Variants in RHOU observed in about 807,000 individuals in gnomAD.
The protein encoded by RHOU is ras homolog family member U.
A neutral mutation model predicts 12.6 loss-of-function variants in RHOU; 8 were observed. That is an observed-to-expected ratio of 0.64 (90% confidence interval 0.37 to 1.15). The LOEUF is 1.15. RHOU is among the 50% of genes most tolerant of loss of function. The probability of loss-of-function intolerance (pLI) is 0.01; values close to 1 mark genes in which losing one functional copy is unlikely to be tolerated. For synonymous variants in RHOU, 161 were observed against 147.4 expected (o/e 1.09, Z -0.67); for missense variants, 258 against 347.0 (o/e 0.74, Z 2.04).
At chr1:228,722,881 A>G in the RHOU span, among the ~76,000 whole-genome samples, 2,918 of 152,276 alleles carry the variant, frequency 0.019, 102 homozygotes, top group African/African-American at 0.067. Context: ...TCGGCCTCCC[A>G]AAGTGCTGGG....
At chr1:228,689,823 G>C in the RHOU span, among the ~76,000 whole-genome samples, 1 of 151,892 alleles carries the variant, frequency 6.6e-6, no homozygotes, top group African/African-American at 2.4e-5. Context: ...CTAGTTCGTG[G>C]AAAAATTGTC....
the RHOU span, among the ~76,000 whole-genome samples, chr1:228,686,456 A>G: frequency 6.6e-6 from 1 of 152,212 alleles, no homozygotes; most frequent in Non-Finnish European, 1.5e-5. Flanking sequence ...ATAAAATACA[A>G]TAATTACATA....
At chr1:228,703,935 G>A in the RHOU span, among the ~76,000 whole-genome samples, 1 of 152,116 alleles carries the variant, frequency 6.6e-6, no homozygotes, top group African/African-American at 2.4e-5. Context: ...AAGATAAAAA[G>A]TGACATACCT....
the RHOU span, among the ~76,000 whole-genome samples, chr1:228,712,831 AT>A: frequency 0.19 from 13,824 of 71,422 alleles, 755 homozygotes; most frequent in African/African-American, 0.33. Flanking sequence ...AAATAAATAA[AT>A]AAAATAAAAT....
the RHOU span, among the ~76,000 whole-genome samples, chr1:228,728,939 A>G: frequency 6.8e-6 from 1 of 147,172 alleles, no homozygotes; most frequent in Non-Finnish European, 1.5e-5. Flanking sequence ...TCTGTCGCCC[A>G]GGCTGGAGTG....
the RHOU span, among the ~76,000 whole-genome samples, chr1:228,665,363 T>C: frequency 6.6e-6 from 1 of 152,238 alleles, no homozygotes; most frequent in Non-Finnish European, 1.5e-5. Flanking sequence ...ACTGTCAGGC[T>C]TGAGTCCACA....
the RHOU span, among the ~76,000 whole-genome samples, chr1:228,703,985 C>T: frequency 3.9e-5 from 6 of 152,096 alleles, no homozygotes; most frequent in Non-Finnish European, 8.8e-5. Flanking sequence ...TGGTGGACAA[C>T]GGAAAGATAG....
the RHOU span, among the ~76,000 whole-genome samples, chr1:228,701,063 T>C: frequency 6.6e-6 from 1 of 152,200 alleles, no homozygotes; most frequent in East Asian, 1.9e-4. Context: ...CACTCTAGCC[T>C]GGGCAACAGA....
At chr1:228,717,650 C>T in the RHOU span, among the ~76,000 whole-genome samples, 7 of 152,232 alleles carry the variant, frequency 4.6e-5, no homozygotes, top group Non-Finnish European at 7.3e-5. Flanking sequence ...GAGGCATGCT[C>T]TCTGACATCT....
the RHOU span, among the ~76,000 whole-genome samples, chr1:228,686,955 G>C: frequency 1.3e-5 from 2 of 152,046 alleles, no homozygotes; most frequent in African/African-American, 2.4e-5. Context: ...GGCCAGGCTG[G>C]TCTCGAACTC....
chr1:228,660,915 A>G, the RHOU span, among the ~76,000 whole-genome samples: 2 of 144,772 alleles, frequency 1.4e-5, no homozygotes, highest in Admixed American at 1.4e-4. Context: ...CCTGGGCAAC[A>G]AGAGCGAAAC....
chr1:228,652,281 T>C, the RHOU span, among the ~76,000 whole-genome samples: 1 of 152,388 alleles, frequency 6.6e-6, no homozygotes, highest in South Asian at 2.1e-4. Flanking sequence ...GTTGTGTCTC[T>C]TGTGACAGTT....
chr1:228,684,351 G>T, the RHOU span, among the ~76,000 whole-genome samples: 1 of 150,844 alleles, frequency 6.6e-6, no homozygotes, highest in African/African-American at 2.4e-5. Flanking sequence ...TGTTTTTTGA[G>T]ACTAGGTCTC....
the RHOU span, among the ~76,000 whole-genome samples, chr1:228,672,590 G>A: frequency 6.6e-6 from 1 of 152,190 alleles, no homozygotes; most frequent in African/African-American, 2.4e-5. Context: ...TGATAAAAAT[G>A]TGAGAATGAG....
chr1:228,691,601 T>C, the RHOU span, among the ~76,000 whole-genome samples: 20 of 152,346 alleles, frequency 1.3e-4, no homozygotes, highest in Middle Eastern at 3.4e-3. Context: ...CTTTTAGTGA[T>C]GAATGATATT....
upstream of RHOU, among the ~76,000 whole-genome samples, chr1:228,732,560 C>G (rs1255238658): frequency 6.6e-6 from 1 of 152,146 alleles, no homozygotes; most frequent in Admixed American, 6.5e-5. Context: ...GGCGTGGGGT[C>G]TGATTTCCTA....
chr1:228,682,510 G>A, the RHOU span, among the ~76,000 whole-genome samples: 2 of 152,150 alleles, frequency 1.3e-5, no homozygotes, highest in Admixed American at 1.3e-4. Flanking sequence ...GATAGGCGGT[G>A]GAGTTAGGAG....
chr1:228,663,688 A>C, the RHOU span, among the ~76,000 whole-genome samples: 23 of 118,370 alleles, frequency 1.9e-4, no homozygotes, highest in Admixed American at 6.2e-4. Flanking sequence ...GCTGGGGTGC[A>C]GTGGCATGAT....
chr1:228,646,955 A>T, the RHOU span, among the ~76,000 whole-genome samples: 1 of 152,074 alleles, frequency 6.6e-6, no homozygotes, highest in Non-Finnish European at 1.5e-5. Flanking sequence ...GCTAAGAGGG[A>T]CAGAGAAAGG....
Sources: allele counts gnomAD v4.1 joint callset (sites outside exome capture counted in the v4.1 genomes callset), GRCh38; gene constraint gnomAD v4.1.1; transcripts MANE v1.5; gene names NCBI Gene and HGNC (gene_info 2026-07-23, HGNC 2026-07-21).